PIWIL2: variants seen among roughly 807,000 people sequenced by gnomAD.
PIWIL2 encodes piwi-like protein 2.
Under a neutral mutation model 116.5 loss-of-function variants are expected in PIWIL2, and 81 were observed. That is an observed-to-expected ratio of 0.70 (90% CI 0.58 to 0.84). The LOEUF (loss-of-function observed/expected upper bound fraction) is 0.84, where lower values mean the gene tolerates loss of function less well. Among genes scored for constraint, PIWIL2 ranks in the 40% least tolerant of loss-of-function variants. The pLI is 0.00. For missense variants in PIWIL2, 1,272 were observed against 1,212.3 expected, an observed-to-expected ratio of 1.05 and a Z score of -0.73; for synonymous variants, 489 against 429.5, an observed-to-expected ratio of 1.14 and a Z score of -1.71.
intron 20 of PIWIL2, among the ~76,000 whole-genome samples, chr8:22,334,774 T>C (rs1831941938): frequency 6.6e-6 from 1 of 151,920 alleles, no homozygotes; most frequent in African/African-American, 2.4e-5. Flanking sequence ...ATGTTAATTT[T>C]AGCCAGGTGC....
intron 20 of PIWIL2, among the ~76,000 whole-genome samples, chr8:22,318,791 T>C (rs1435522444): frequency 2.0e-5 from 3 of 152,204 alleles, no homozygotes; most frequent in Non-Finnish European, 2.9e-5. Context: ...AGCTAAATGC[T>C]TTCATTTGGT....
intron 1 of PIWIL2, among the ~76,000 whole-genome samples, chr8:22,277,863 G>T (rs1028206533): frequency 4.6e-5 from 7 of 152,124 alleles, no homozygotes; most frequent in South Asian, 4.1e-4. Context: ...TGATATGGCT[G>T]TGTTAACTAT....
At chr8:22,293,510 A>T (rs1007132680) in intron 10 of PIWIL2, among the ~76,000 whole-genome samples, 1 of 152,070 alleles carries the variant, frequency 6.6e-6, no homozygotes, top group African/African-American at 2.4e-5. Flanking sequence ...TTTTTAGTAG[A>T]GACAGGGTTT....
intron 13 of PIWIL2, among the ~76,000 whole-genome samples, 196 bp from the exon 14 acceptor site, chr8:22,307,734 ACCT>A (rs1460083968): frequency 6.6e-6 from 1 of 151,894 alleles, no homozygotes; most frequent in Non-Finnish European, 1.5e-5. Flanking sequence ...CGATCCACCC[ACCT>A]CATCCTTCCA....
chr8:22,349,265 C>G (rs1348841685), intron 20 of PIWIL2, among the ~76,000 whole-genome samples: 1 of 151,152 alleles, frequency 6.6e-6, no homozygotes. Flanking sequence ...CCTCAGCCTC[C>G]CAAAGTGCTG....
intron 6 of PIWIL2, among the ~76,000 whole-genome samples, chr8:22,285,626 GA>G (rs1320257652): frequency 2.0e-5 from 3 of 151,904 alleles, no homozygotes; most frequent in African/African-American, 7.3e-5. Context: ...GTTTTTTTAA[GA>G]AACTTCCATA....
chr8:22,296,335 G>A (rs1359247501), intron 10 of PIWIL2, among the ~76,000 whole-genome samples: 4 of 151,996 alleles, frequency 2.6e-5, no homozygotes, highest in Non-Finnish European at 2.9e-5. Flanking sequence ...ATGAGCCACC[G>A]CGCCTGGCCC....
In PIWIL2 at chr8:22,328,506, A is replaced by G. The variant is rs139650785; in HGVS notation, c.2403+10231A>G. Among the ~76,000 whole-genome samples, 116 of 152,280 alleles carry G rather than the reference A, an allele frequency of 7.6e-4. 1 individual carries two copies. Among genetic ancestry groups the G allele is most frequent in the African/African-American group, 2.6e-3 (108 of 41,556 alleles). On this transcript the variant is annotated intron_variant, in intron 20 of 22. Transcript: ENST00000356766. ...AACTTTCATAGGGATTGTATTGAAT[A>G]TCTAGATTACTTTGAAGAGTATTGT...
chr8:22,319,346 T>C (rs944262845), intron 20 of PIWIL2, among the ~76,000 whole-genome samples: 4 of 152,258 alleles, frequency 2.6e-5, no homozygotes, highest in South Asian at 2.1e-4. Context: ...TATGTTATGC[T>C]ACTGAGTCAC....
chr8:22,318,240 C>G lies in PIWIL2; in HGVS notation c.2368C>G (p.Leu790Val), dbSNP rs1301815833. The change falls in exon 20 of 23, where the codon CTA (leucine) becomes GTA (valine). Residue 790 changes from leucine (L) to valine (V), a missense_variant. Leu to Val is a conservative substitution (Grantham distance 32, BLOSUM62 1). Coordinates refer to ENST00000356766, the MANE Select transcript of PIWIL2 (RefSeq NM_018068.5). ...PHQEIVDSLK[L>V]CLVGSLKKFY... ...TCAGGAGATTGTGGACAGCCTGAAG[C>G]TATGCCTCGTGGGCTCCTTAAAAAA... 1.1e-5 allele frequency: 17 copies of G among 1,612,062 alleles called. No homozygotes were observed. Among genetic ancestry groups the G allele is most frequent in the Non-Finnish European group, 1.4e-5 (16 of 1,178,278 alleles).
chr8:22,318,607 C>G (rs150001485), intron 20 of PIWIL2, among the ~76,000 whole-genome samples: 1 of 152,132 alleles, frequency 6.6e-6, no homozygotes, highest in African/African-American at 2.4e-5. Context: ...TGTGAGCCAC[C>G]GCGCCTGGCC....
At chr8:22,286,215 T>TA (rs1830625384) in intron 6 of PIWIL2, among the ~76,000 whole-genome samples, 1 of 152,162 alleles carries the variant, frequency 6.6e-6, no homozygotes, top group South Asian at 2.1e-4. Context: ...GCAGTTTTGT[T>TA]ACAGTTGTAG....
chr8:22,353,498 A>G (rs879541081), intron 21 of PIWIL2, among the ~76,000 whole-genome samples: 2 of 152,072 alleles, frequency 1.3e-5, no homozygotes, highest in African/African-American at 4.8e-5. Flanking sequence ...AATAACAGAA[A>G]TTAACCAGGT....
intron 20 of PIWIL2, among the ~76,000 whole-genome samples, chr8:22,336,009 C>G (rs1172836550): frequency 2.0e-5 from 3 of 152,058 alleles, no homozygotes; most frequent in African/African-American, 7.2e-5. Context: ...GAAACAAAAA[C>G]TAATATAATT....
intron 20 of PIWIL2, among the ~76,000 whole-genome samples, chr8:22,345,132 C>A (rs1205008546): frequency 1.3e-5 from 2 of 152,140 alleles, no homozygotes; most frequent in Non-Finnish European, 2.9e-5. Flanking sequence ...GTGTGAGGAT[C>A]ACACCTGTGA....
chr8:22,311,097 C>T lies in PIWIL2; in HGVS notation c.1801-15C>T, dbSNP rs1350225715. 2 of 1,588,716 alleles carry T rather than the reference C, an allele frequency of 1.3e-6. No individual in the cohort carries two copies. The highest frequency in any genetic ancestry group is 1.7e-6 in the Non-Finnish European group (2 of 1,167,408). ...TAAATTGTGAGAAATACTAAAAGCT[C>T]TTGGTTGTTCCTAGATCCCCATGCA... is the stretch of plus-strand genomic sequence containing the variant. On this transcript the variant is annotated splice_polypyrimidine_tract_variant and intron_variant, in intron 15 of 22. Transcript: ENST00000356766.
rs747515190 is a variant in PIWIL2, at chr8:22,307,912, CTT to C, written c.1546-19_1546-18del. On this transcript the variant is annotated intron_variant, in intron 13 of 22. Transcript: ENST00000356766. ...TGGTGAAGTTATCTTTATAAGTTAT[CTT>C]TATTTTAATTCTGTTTAGGATTTGG... 8 of 1,565,820 alleles carry C rather than the reference CTT, an allele frequency of 5.1e-6. No homozygotes were observed. In the African/African-American group the frequency reaches 1.1e-4, roughly 21 times the overall value.
chr8:22,277,157 G>A (rs1312085245), intron 1 of PIWIL2, among the ~76,000 whole-genome samples: 1 of 152,070 alleles, frequency 6.6e-6, no homozygotes, highest in East Asian at 1.9e-4. Context: ...GAGGAGGGGG[G>A]ATTACAGGCA....
At chr8:22,323,006 T>G (rs1024337293) in intron 20 of PIWIL2, among the ~76,000 whole-genome samples, 4 of 150,944 alleles carry the variant, frequency 2.6e-5, no homozygotes, top group Admixed American at 6.6e-5. Flanking sequence ...AACTTCCGCC[T>G]CCCCGGTTCA....
Sources: gnomAD v4.1 joint callset for allele counts (sites outside exome capture counted in the v4.1 genomes callset) on GRCh38, gnomAD v4.1.1 for gene constraint, MANE v1.5 for transcripts, NCBI Gene and HGNC (gene_info 2026-07-23, HGNC 2026-07-21) for gene names.